Variants in CLEC17A observed in about 807,000 individuals in gnomAD.
CLEC17A encodes the protein C-type lectin domain family 17, member A.
CLEC17A carries 37 observed loss-of-function variants against 61.3 expected under a neutral mutation model. The ratio of observed to expected loss-of-function variants is 0.60; its 90% CI spans 0.46 to 0.79. The LOEUF (loss-of-function observed/expected upper bound fraction) is 0.79, where lower values mean the gene tolerates loss of function less well. CLEC17A is among the 30% of genes least tolerant of loss of function. The pLI is 0.00. For missense variants in CLEC17A, 418 were observed against 464.7 expected (o/e 0.90, Z 0.92); for synonymous variants, 168 against 164.9 (o/e 1.02, Z -0.14).
chr19:14,595,407 C>T (rs796320805), intron 8 of CLEC17A, 92 bp downstream of exon 8: 13 of 1,424,212 alleles, frequency 9.1e-6, no homozygotes, highest in African/African-American at 8.5e-5. Flanking sequence ...AGAGGAACTT[C>T]TCCTTTAAGA....
Position 14,597,774 on chromosome 19 carries a change from A to AT in CLEC17A, c.646+623dup, listed in dbSNP as rs113504601. Among the ~76,000 whole-genome samples the AT allele has an allele frequency of 9.3e-5, 14 of 150,514 alleles. No individual in the cohort carries two copies. In the East Asian group the frequency reaches 9.8e-4, roughly 11 times the overall value. ...GCCATCACACCCGGCTGGTTAAAAA[A>AT]TTTTTTTTTTGTATAGAAGAGGTCT... On this transcript the variant is annotated intron_variant, in intron 10 of 13. Coordinates refer to ENST00000417570, the MANE Select transcript of CLEC17A (RefSeq NM_001204118.2).
intron 8 of CLEC17A, among the ~76,000 whole-genome samples, chr19:14,596,292 T>C (rs909195034): frequency 2.6e-5 from 4 of 152,072 alleles, no homozygotes. Context: ...AAAATGGGAA[T>C]AATGCTTATA....
rs747560844 is a variant in CLEC17A at position 14,610,263 on chromosome 19, C to T, written c.*67C>T. 9.4e-5 allele frequency: 144 copies of T among 1,533,208 alleles called. No homozygotes were observed. The highest frequency in any genetic ancestry group is 1.9e-4 in the Middle Eastern group (1 of 5,176). The allele number at this position is 1,533,208 out of a possible 1,614,324, so 95.0% of individuals were successfully genotyped here. On this transcript the variant is annotated 3_prime_UTR_variant, in exon 14 of 14. Coordinates refer to ENST00000417570, the MANE Select transcript of CLEC17A (RefSeq NM_001204118.2). ...TTGAGATGAGAATCTCCTGCCCTTTCGTGGACGGCCTTGCCTCTTCGTGAG... is the reference window on the plus strand; with the variant it reads ...TTGAGATGAGAATCTCCTGCCCTTTTGTGGACGGCCTTGCCTCTTCGTGAG...
At chr19:14,604,569 C>G (rs2074807228) in intron 12 of CLEC17A, among the ~76,000 whole-genome samples, 3 of 152,056 alleles carry the variant, frequency 2.0e-5, no homozygotes, top group Admixed American at 2.0e-4. Flanking sequence ...TTGAGACCAG[C>G]CTGGCCAACA....
At chr19:14,588,708 C>A (rs1232790268) in intron 3 of CLEC17A, 2 of 152,052 alleles carry the variant, frequency 1.3e-5, no homozygotes, top group Admixed American at 1.3e-4. Context: ...CCTGAGTTTA[C>A]TGCCACCAGG....
chr19:14,597,127 G>T lies in CLEC17A; in HGVS notation c.612G>T (p.Met204Ile). 1 of 1,613,146 alleles carries T rather than the reference G, an allele frequency of 6.2e-7. No individual in the cohort carries two copies. The stretch of plus-strand genomic sequence containing the variant: ...AGGAGTTGATGGAAGAACTGAGAAT[G>T]TTAAGCTTTCAGCAGATGACGTGGC... ...KYQELMEELR[M>I]LSFQQMTWRT... Residue 204 changes from methionine (M) to isoleucine (I), a missense_variant, in exon 10 of 14, where the codon ATG (methionine) becomes ATT (isoleucine). Transcript: ENST00000417570.
At position 14,583,160 on chromosome 19, in the gene CLEC17A, C is replaced by T. The variant is rs767179788; in HGVS notation, c.-1C>T. ...CACTTGTCAGGTTCCCTGTGCTAGA[C>T]ATGCATAATCTGTATTCCATCACTG... On this transcript the variant is annotated 5_prime_UTR_variant, in exon 1 of 14. Coordinates refer to ENST00000417570, the MANE Select transcript of CLEC17A (RefSeq NM_001204118.2). The T allele has an allele frequency of 3.7e-6, 6 of 1,613,914 alleles. No homozygotes were observed. The highest frequency in any genetic ancestry group is 5.1e-6 in the Non-Finnish European group (6 of 1,179,906).
chr19:14,589,208 C>T (rs2074358133), intron 3 of CLEC17A, among the ~76,000 whole-genome samples: 1 of 144,846 alleles, frequency 6.9e-6, no homozygotes, highest in African/African-American at 2.8e-5. Context: ...CCATCCCTGT[C>T]CCCAACCCAT....
At position 14,600,891 on chromosome 19, in the gene CLEC17A, CTTTTTTTTTT is replaced by C. The variant is rs71166763; in HGVS notation, c.894+729_894+738del. 4.8e-3 allele frequency among the ~76,000 whole-genome samples: 301 copies of C among 63,206 alleles called. 3 individuals are homozygous for C. Among genetic ancestry groups the C allele is most frequent in the African/African-American group, 0.017 (282 of 16,332 alleles). The allele number at this position is 63,206 out of a possible 152,430, so 41.5% of individuals were successfully genotyped here. A position where few individuals can be genotyped will look rare whatever the true frequency, so the allele number is the denominator to read the frequency against. ...GGCGTGAGCCACCACGCTCGGCCTT[CTTTTTTTTTT>C]TTTTTTTTTTTTTTTTTTTGAGATG... On this transcript the variant is annotated intron_variant, in intron 12 of 13. Transcript: ENST00000417570.
chr19:14,599,684 G>A, intron 10 of CLEC17A, 33 bp from the exon 11 acceptor site: 1 of 1,534,784 alleles, frequency 6.5e-7, no homozygotes, highest in Non-Finnish European at 9.0e-7. Flanking sequence ...TGGGTTCTCA[G>A]TCTGTAGCCC....
At chr19:14,603,809 G>A (rs1218131134) in intron 12 of CLEC17A, among the ~76,000 whole-genome samples, 1 of 152,048 alleles carries the variant, frequency 6.6e-6, no homozygotes, top group Non-Finnish European at 1.5e-5. Flanking sequence ...AACATTTCCT[G>A]AGCACCTACT....
chr19:14,599,406 A>G (rs1480255630), intron 10 of CLEC17A, among the ~76,000 whole-genome samples: 1 of 152,002 alleles, frequency 6.6e-6, no homozygotes, highest in Non-Finnish European at 1.5e-5. Context: ...TGCTTTTAAG[A>G]TAGTCCCTGC....
At chr19:14,591,980 A>G (rs1288363938) in intron 3 of CLEC17A, among the ~76,000 whole-genome samples, 2 of 151,180 alleles carry the variant, frequency 1.3e-5, no homozygotes, top group Non-Finnish European at 2.9e-5. Context: ...ATTTGCCTGT[A>G]CTTGACTTTG....
chr19:14,588,028 T>C (rs182894197), intron 3 of CLEC17A, among the ~76,000 whole-genome samples: 43 of 152,090 alleles, frequency 2.8e-4, no homozygotes, highest in Admixed American at 2.4e-3. Context: ...AACTGTTAGG[T>C]GCAAAGTCCC....
At position 14,608,205 on chromosome 19, in the gene CLEC17A, C is replaced by T. The variant is rs192585038; in HGVS notation, c.1004+1103C>T. Among the ~76,000 whole-genome samples the T allele has an allele frequency of 8.5e-3, 1,302 of 152,282 alleles. 9 individuals are homozygous for T. The highest frequency in any genetic ancestry group is 0.013 in the Non-Finnish European group (905 of 68,022). On this transcript the variant is annotated intron_variant, in intron 13 of 13. Coordinates refer to ENST00000417570, the MANE Select transcript of CLEC17A (RefSeq NM_001204118.2). ...TTTTAAACACAGAAAAATTCCTGTC[C>T]TGTTTGGTAAATTGCCATTGCCTTA...
intron 13 of CLEC17A, among the ~76,000 whole-genome samples, chr19:14,608,603 A>G (rs2074962177): frequency 6.6e-6 from 1 of 151,314 alleles, no homozygotes; most frequent in Non-Finnish European, 1.5e-5. Flanking sequence ...GGGAGAAAAA[A>G]GGGAGGGTGG....
intron 13 of CLEC17A, among the ~76,000 whole-genome samples, chr19:14,608,577 C>T (rs2074961000): frequency 6.6e-6 from 1 of 151,564 alleles, no homozygotes; most frequent in Admixed American, 6.6e-5. Context: ...ATATCAAGCT[C>T]TCCAGGCTAA....
At position 14,607,546 on chromosome 19, in the gene CLEC17A, T is replaced by TTTA. The variant is rs1307202244; in HGVS notation, c.1004+446_1004+447insATT. On this transcript the variant is annotated intron_variant, in intron 13 of 13. Transcript: ENST00000417570. ...GTACAGCTCTACTTGTTTTATTTTATTTTATTATTTATTTATTTATTTATT... is the reference window on the plus strand; with the variant it reads ...GTACAGCTCTACTTGTTTTATTTTATTTATTTATTATTTATTTATTTATTTATT... Among the ~76,000 whole-genome samples, 559 of 133,784 alleles carry TTTA rather than the reference T, an allele frequency of 4.2e-3. 5 individuals carry two copies. The highest frequency in any genetic ancestry group is 0.018 in the African/African-American group (528 of 29,682). 87.8% of individuals were successfully genotyped at this position (133,784 alleles called of 152,430 possible). A position where few individuals can be genotyped will look rare whatever the true frequency, so the allele number is the denominator to read the frequency against.
chr19:14,607,939 C>T (rs1299118183), intron 13 of CLEC17A, among the ~76,000 whole-genome samples: 3 of 152,018 alleles, frequency 2.0e-5, no homozygotes, highest in South Asian at 2.1e-4. Flanking sequence ...GGTGCAATCT[C>T]GGCTCACTGC....
Sources: allele counts gnomAD v4.1 joint callset (sites outside exome capture counted in the v4.1 genomes callset), GRCh38; gene constraint gnomAD v4.1.1; transcripts MANE v1.5; gene names NCBI Gene and HGNC (gene_info 2026-07-23, HGNC 2026-07-21).